Variants in RABGAP1L observed in about 807,000 individuals in gnomAD.
RABGAP1L encodes rab GTPase-activating protein 1-like.
In RABGAP1L, 63 loss-of-function variants were observed where a neutral mutation model predicts 137.7. The observed-to-expected ratio is 0.46, with a 90% CI of 0.37 to 0.56. The LOEUF is 0.56. Ranked by LOEUF, RABGAP1L falls within the 20% of genes least tolerant of loss-of-function variation. The pLI is 0.00. For missense variants in RABGAP1L, 1,095 were observed against 1,244.0 expected, an observed-to-expected ratio of 0.88 and a Z score of 1.80; for synonymous variants, 431 against 433.7, an observed-to-expected ratio of 0.99 and a Z score of 0.08.
chr1:174,337,754 C>T (rs1266814424), intron 11 of RABGAP1L, among the ~76,000 whole-genome samples: 1 of 152,024 alleles, frequency 6.6e-6, no homozygotes, highest in East Asian at 1.9e-4. Context: ...CTTTAATTGC[C>T]ATATTCAAGG....
intron 10 of RABGAP1L, among the ~76,000 whole-genome samples, chr1:174,299,177 G>A (rs1448995867): frequency 6.6e-6 from 1 of 152,206 alleles, no homozygotes; most frequent in African/African-American, 2.4e-5. Context: ...GATTGGTTTT[G>A]ATGGAAGTTT....
At chr1:174,742,178 A>C (rs1249987030) in intron 17 of RABGAP1L, among the ~76,000 whole-genome samples, 12 of 114,422 alleles carry the variant, frequency 1.0e-4, no homozygotes, top group Admixed American at 8.9e-4. Context: ...GGAGGAAAGA[A>C]GAAGAAGAGG....
chr1:174,203,829 CAGGTATTTTG>C (rs1391344752), intron 1 of RABGAP1L, among the ~76,000 whole-genome samples: 2 of 151,972 alleles, frequency 1.3e-5, no homozygotes, highest in Non-Finnish European at 2.9e-5. Flanking sequence ...GCTGTATTCC[CAGGTATTTTG>C]TTCTTTTTGT....
At chr1:174,441,042 A>G (rs938805932) in intron 13 of RABGAP1L, among the ~76,000 whole-genome samples, 4 of 150,238 alleles carry the variant, frequency 2.7e-5, no homozygotes, top group African/African-American at 9.7e-5. Context: ...TAAATATAAA[A>G]GAATAAAAGT....
chr1:174,374,594 C>T (rs1239930388), intron 12 of RABGAP1L, among the ~76,000 whole-genome samples: 13 of 152,012 alleles, frequency 8.6e-5, no homozygotes, highest in African/African-American at 3.1e-4. Flanking sequence ...TAATTTACTC[C>T]CAAAGGCAAA....
At chr1:174,331,517 C>T (rs551379025) in intron 11 of RABGAP1L, among the ~76,000 whole-genome samples, 140 of 152,244 alleles carry the variant, frequency 9.2e-4, no homozygotes, top group African/African-American at 3.2e-3. Flanking sequence ...TACAAATAGT[C>T]AACAGGTTTA....
intron 13 of RABGAP1L, among the ~76,000 whole-genome samples, chr1:174,531,774 C>A (rs1572194259): frequency 6.6e-6 from 1 of 151,012 alleles, no homozygotes; most frequent in Admixed American, 6.6e-5. Context: ...TATACCAAAA[C>A]ATATTATTGA....
chr1:174,369,211 A>T (rs1450343546), intron 11 of RABGAP1L, among the ~76,000 whole-genome samples: 1 of 151,608 alleles, frequency 6.6e-6, no homozygotes, highest in Non-Finnish European at 1.5e-5. Flanking sequence ...TTTTTTTGAG[A>T]TGAGGTCTCA....
intron 18 of RABGAP1L, among the ~76,000 whole-genome samples, chr1:174,801,750 A>T (rs944687213): frequency 6.6e-6 from 1 of 150,858 alleles, no homozygotes; most frequent in African/African-American, 2.4e-5. Context: ...AAAACTAAGG[A>T]TTCATGATTC....
intron 13 of RABGAP1L, among the ~76,000 whole-genome samples, chr1:174,445,547 C>G (rs1654647531): frequency 6.6e-6 from 1 of 152,086 alleles, no homozygotes; most frequent in Non-Finnish European, 1.5e-5. Flanking sequence ...TTAAATACAT[C>G]AAACTCAGCA....
intron 13 of RABGAP1L, among the ~76,000 whole-genome samples, chr1:174,606,102 T>G (rs1014173647): frequency 2.6e-5 from 4 of 152,210 alleles, no homozygotes; most frequent in African/African-American, 9.7e-5. Flanking sequence ...TTTATTTTGG[T>G]GCAAATTTTT....
At chr1:174,348,257 C>G (rs1282211753) in intron 11 of RABGAP1L, among the ~76,000 whole-genome samples, 1 of 146,956 alleles carries the variant, frequency 6.8e-6, no homozygotes, top group Non-Finnish European at 1.5e-5. Context: ...CTGATTGCAA[C>G]AACAAACATA....
At chr1:174,472,109 T>G (rs12059902) in intron 13 of RABGAP1L, among the ~76,000 whole-genome samples, 1 of 152,150 alleles carries the variant, frequency 6.6e-6, no homozygotes, top group African/African-American at 2.4e-5. Flanking sequence ...TCTTGGACTT[T>G]CCAGCTTCTA....
chr1:174,861,510 T>C, intron 19 of RABGAP1L, among the ~76,000 whole-genome samples: 1 of 152,228 alleles, frequency 6.6e-6, no homozygotes, highest in East Asian at 1.9e-4. Context: ...TTCCATTTTT[T>C]ATATTTGAAG....
At chr1:174,567,254 A>G (rs1007868486) in intron 13 of RABGAP1L, among the ~76,000 whole-genome samples, 1 of 152,148 alleles carries the variant, frequency 6.6e-6, no homozygotes, top group Admixed American at 6.5e-5. Context: ...AGTACTTCAT[A>G]TAGGTACAAT....
At chr1:174,182,518 G>A (rs1666461391) in intron 1 of RABGAP1L, among the ~76,000 whole-genome samples, 1 of 152,126 alleles carries the variant, frequency 6.6e-6, no homozygotes, top group African/African-American at 2.4e-5. Context: ...GGGGAAGAGG[G>A]CCAGCTGTAG....
At chr1:174,450,692 G>T (rs577880397) in intron 13 of RABGAP1L, among the ~76,000 whole-genome samples, 5 of 152,220 alleles carry the variant, frequency 3.3e-5, no homozygotes, top group Admixed American at 2.6e-4. Flanking sequence ...TAGCAAAGTA[G>T]CATTTGGGGA....
intron 13 of RABGAP1L, among the ~76,000 whole-genome samples, chr1:174,469,478 T>A (rs967430232): frequency 1.3e-5 from 2 of 152,206 alleles, no homozygotes; most frequent in Non-Finnish European, 2.9e-5. Context: ...ACTACCTTAG[T>A]CCTCCTAAAT....
chr1:174,587,555 T>C (rs1433137468), intron 13 of RABGAP1L, among the ~76,000 whole-genome samples: 2 of 152,010 alleles, frequency 1.3e-5, no homozygotes, highest in African/African-American at 4.8e-5. Context: ...AGAGCAAGAA[T>C]TTGTTCAACT....
Sources: allele counts gnomAD v4.1 joint callset (sites outside exome capture counted in the v4.1 genomes callset), GRCh38; gene constraint gnomAD v4.1.1; transcripts MANE v1.5; gene names NCBI Gene and HGNC (gene_info 2026-07-23, HGNC 2026-07-21).